The following CYLC1 variants were observed in gnomAD, a reference collection of about 807,000 sequenced individuals.
CYLC1 encodes cylicin-1.
A neutral mutation model predicts 31.6 loss-of-function variants in CYLC1; 2 were observed. The ratio of observed to expected loss-of-function variants is 0.06; its 90% confidence interval spans 0.03 to 0.20. The LOEUF is 0.20. Ranked by LOEUF, CYLC1 falls within the 10% of genes least tolerant of loss-of-function variation. CYLC1 has a pLI of 1.00. For synonymous variants in CYLC1, 185 were observed against 153.0 expected, an observed-to-expected ratio of 1.21 and a Z score of -1.54; for missense variants, 595 against 424.1, an observed-to-expected ratio of 1.40 and a Z score of -3.54.
chrX:83,870,525 G>C (rs1467431006), intron 2 of CYLC1, among the ~76,000 whole-genome samples: 1 of 111,244 alleles, frequency 9.0e-6, no homozygotes, highest in Non-Finnish European at 1.9e-5. Flanking sequence ...CCCTCTCTCT[G>C]TGCTTTATTT....
chrX:83,869,726 G>A (rs2031637634), intron 1 of CYLC1, 139 bp from the exon 2 acceptor site: 1 of 255,646 alleles, frequency 3.9e-6, no homozygotes, highest in African/African-American at 2.8e-5. Context: ...GTGACAATAA[G>A]ACAGTTCCAA....
chrX:83,861,151 G>A lies in CYLC1; in HGVS notation c.-32G>A. 1 of 1,180,695 alleles carries A rather than the reference G, an allele frequency of 8.5e-7. No individual in the cohort carries two copies. Among genetic ancestry groups the A allele is most frequent in the South Asian group, 1.9e-5 (1 of 54,009 alleles). On this transcript the variant is annotated 5_prime_UTR_variant, in exon 1 of 5. The change abolishes an upstream ATG in the 5' untranslated region. Coordinates refer to ENST00000329312, the MANE Select transcript of CYLC1 (RefSeq NM_021118.3). ...AACATTACCAGTTTCAACTTACTAT[G>A]CTCAAGTCCAGGCAACGTACAGGCA...
At chrX:83,868,154 C>T (rs1195025789) in intron 1 of CYLC1, among the ~76,000 whole-genome samples, 1 of 110,606 alleles carries the variant, frequency 9.0e-6, no homozygotes, top group Non-Finnish European at 1.9e-5. Flanking sequence ...TCAAATCAAG[C>T]AAATATAATT....
intron 4 of CYLC1, among the ~76,000 whole-genome samples, chrX:83,879,073 A>G (rs1239484364): frequency 9.0e-6 from 1 of 110,525 alleles, no homozygotes; most frequent in Non-Finnish European, 1.9e-5. Flanking sequence ...TAAGTGAAGA[A>G]TTCTTTATAT....
intron 3 of CYLC1, 150 bp from the exon 4 acceptor site, chrX:83,872,736 C>T: frequency 2.5e-6 from 1 of 407,023 alleles, no homozygotes. Flanking sequence ...CACACACACA[C>T]ACACACACAC....
intron 4 of CYLC1, among the ~76,000 whole-genome samples, chrX:83,877,425 C>A (rs2031782936): frequency 9.0e-6 from 1 of 110,874 alleles, no homozygotes; most frequent in African/African-American, 3.3e-5. Flanking sequence ...AATAAAATTT[C>A]TTACCCTAGC....
At chrX:83,871,864 G>A (rs745750609) in intron 3 of CYLC1, among the ~76,000 whole-genome samples, 1 of 110,883 alleles carries the variant, frequency 9.0e-6, no homozygotes, top group Admixed American at 9.6e-5. Flanking sequence ...TTAAATATTA[G>A]AGCAGAAACT....
chrX:83,878,504 T>C (rs1484964789), intron 4 of CYLC1, among the ~76,000 whole-genome samples: 55 of 65,535 alleles, frequency 8.4e-4, no homozygotes, highest in Non-Finnish European at 1.3e-3. Flanking sequence ...TATATTTTCA[T>C]ACATGTCCAC....
chrX:83,876,388 A>T (rs150852673), intron 4 of CYLC1, among the ~76,000 whole-genome samples: 3,367 of 110,986 alleles, frequency 0.03, 45 homozygotes, highest in Middle Eastern at 0.11. Flanking sequence ...AAGAAGAAAG[A>T]CTCTCAAATA....
At chrX:83,877,920 A>ATATATACAAATATATATATATATTTG in intron 4 of CYLC1, among the ~76,000 whole-genome samples, 1 of 80,669 alleles carries the variant, frequency 1.2e-5, no homozygotes, top group Non-Finnish European at 2.3e-5. Flanking sequence ...ATATATATAT[A>ATATATACAAATATATATATATATTTG]TATATAAATA....
intron 1 of CYLC1, among the ~76,000 whole-genome samples, chrX:83,863,568 C>CCA (rs1162020081): frequency 9.0e-6 from 1 of 111,200 alleles, no homozygotes; most frequent in Middle Eastern, 4.6e-3. Context: ...TCTAATCATG[C>CCA]CACACACCTT....
intron 4 of CYLC1, among the ~76,000 whole-genome samples, chrX:83,878,700 A>G (rs1186626144): frequency 9.7e-6 from 1 of 102,916 alleles, no homozygotes; most frequent in Non-Finnish European, 2.0e-5. Context: ...TATGTCATTA[A>G]AACAAGTATT....
intron 4 of CYLC1, among the ~76,000 whole-genome samples, chrX:83,875,608 G>C (rs1325437363): frequency 9.0e-6 from 1 of 111,274 alleles, no homozygotes; most frequent in African/African-American, 3.3e-5. Flanking sequence ...ACTATCACAA[G>C]AACTGTGTAG....
At chrX:83,878,990 C>T (rs1225404602) in intron 4 of CYLC1, among the ~76,000 whole-genome samples, 1 of 108,703 alleles carries the variant, frequency 9.2e-6, no homozygotes, top group African/African-American at 3.4e-5. Flanking sequence ...AGGGTCAGCA[C>T]TGTTTACACT....
At chrX:83,872,814 AC>A (rs1476342822) in intron 3 of CYLC1, 71 bp from the exon 4 acceptor site, 1 of 823,693 alleles carries the variant, frequency 1.2e-6, no homozygotes, top group Non-Finnish European at 1.6e-6. Flanking sequence ...AAAAATATAA[AC>A]TTTTTTATGT....
chrX:83,862,245 G>T (rs1439368504), intron 1 of CYLC1, among the ~76,000 whole-genome samples: 2 of 110,876 alleles, frequency 1.8e-5, no homozygotes, highest in Admixed American at 9.6e-5. Flanking sequence ...GAAAGAAAAA[G>T]AGTGGGCCGG....
intron 4 of CYLC1, among the ~76,000 whole-genome samples, chrX:83,877,285 A>T (rs1035784331): frequency 9.0e-6 from 1 of 111,053 alleles, no homozygotes; most frequent in Non-Finnish European, 1.9e-5. Flanking sequence ...CATCACCATC[A>T]TTAGCATCTA....
At chrX:83,863,074 G>T (rs761408746) in intron 1 of CYLC1, among the ~76,000 whole-genome samples, 1 of 111,283 alleles carries the variant, frequency 9.0e-6, no homozygotes, top group African/African-American at 3.3e-5. Context: ...ACTTCATTTT[G>T]TGATGATTTT....
At chrX:83,879,489 C>G (rs904904737) in intron 4 of CYLC1, among the ~76,000 whole-genome samples, 3 of 111,995 alleles carry the variant, frequency 2.7e-5, no homozygotes, top group Non-Finnish European at 5.6e-5. Flanking sequence ...AGACATACAT[C>G]TATTGTTATT....
Sources: allele counts gnomAD v4.1 joint callset (sites outside exome capture counted in the v4.1 genomes callset), GRCh38; gene constraint gnomAD v4.1.1; transcripts MANE v1.5; gene names NCBI Gene and HGNC (gene_info 2026-07-23, HGNC 2026-07-21).